The following BBS9 variants were observed in gnomAD, a reference collection of about 807,000 sequenced individuals.
BBS9 encodes Bardet-Biedl syndrome 9.
In BBS9, 89 loss-of-function variants were observed where a neutral mutation model predicts 117.7. The observed-to-expected ratio is 0.76, with a 90% CI of 0.64 to 0.90. The LOEUF (loss-of-function observed/expected upper bound fraction) is 0.90. Ranked by LOEUF, BBS9 falls within the 40% of genes least tolerant of loss-of-function variation. BBS9 has a pLI of 0.00. For synonymous variants in BBS9, 379 were observed against 370.9 expected (o/e 1.02, Z -0.25); for missense variants, 982 against 1,042.2 (o/e 0.94, Z 0.80).
chr7:33,528,652 A>G (rs542050236), intron 20 of BBS9, among the ~76,000 whole-genome samples: 3 of 152,332 alleles, frequency 2.0e-5, no homozygotes, highest in African/African-American at 4.8e-5. Flanking sequence ...TACCACTTAT[A>G]TAAGTTTGGC....
At chr7:33,185,247 T>C (rs928290745) in intron 5 of BBS9, among the ~76,000 whole-genome samples, 2 of 152,126 alleles carry the variant, frequency 1.3e-5, no homozygotes, top group Non-Finnish European at 2.9e-5. Context: ...ATCCTGTGAC[T>C]TGGAATGTCT....
intron 5 of BBS9, among the ~76,000 whole-genome samples, chr7:33,213,691 A>C (rs1479591069): frequency 1.3e-5 from 2 of 152,244 alleles, no homozygotes; most frequent in South Asian, 4.2e-4. Flanking sequence ...TTTTATCAGC[A>C]TGTAATGAAT....
chr7:33,600,796 T>C (rs1156752423), intron 21 of BBS9, among the ~76,000 whole-genome samples: 3 of 152,162 alleles, frequency 2.0e-5, no homozygotes, highest in Non-Finnish European at 4.4e-5. Context: ...CTGTGTCCCA[T>C]GCCTCCATCT....
intron 10 of BBS9, among the ~76,000 whole-genome samples, chr7:33,339,999 T>C (rs949014040): frequency 6.6e-6 from 1 of 151,198 alleles, no homozygotes; most frequent in Non-Finnish European, 1.5e-5. Flanking sequence ...TGAATATATA[T>C]AATTTAAAAA....
At chr7:33,390,340 T>A (rs1238816908) in intron 19 of BBS9, 1 of 985,250 alleles carries the variant, frequency 1.0e-6, no homozygotes, top group African/African-American at 1.7e-5. Flanking sequence ...ACATTTAAAG[T>A]GCAGAGGTTT....
chr7:33,318,441 G>T (rs1286983270), intron 9 of BBS9, among the ~76,000 whole-genome samples: 2 of 152,068 alleles, frequency 1.3e-5, no homozygotes, highest in Admixed American at 6.6e-5. Context: ...TTTTCAGACA[G>T]TGAGGTCTCT....
intron 6 of BBS9, among the ~76,000 whole-genome samples, chr7:33,263,036 T>C (rs12673354): frequency 0.16 from 25,023 of 152,160 alleles, 2,408 homozygotes; most frequent in Non-Finnish European, 0.22. Flanking sequence ...CCATTGTTAA[T>C]GTTTGTATTG....
At chr7:33,156,907 T>C (rs1220710668) in intron 4 of BBS9, among the ~76,000 whole-genome samples, 2 of 152,058 alleles carry the variant, frequency 1.3e-5, no homozygotes, top group Non-Finnish European at 2.9e-5. Flanking sequence ...CCAGAGTAAA[T>C]GGAGAAGGTA....
At chr7:33,295,032 C>T (rs1455310054) in intron 9 of BBS9, among the ~76,000 whole-genome samples, 6 of 152,068 alleles carry the variant, frequency 3.9e-5, no homozygotes, top group Admixed American at 3.9e-4. Flanking sequence ...GCTTTTTCTT[C>T]AGTTAGTACC....
At chr7:33,607,620 C>T (rs2129211711), downstream of BBS9, among the ~76,000 whole-genome samples, 1 of 152,032 alleles carries the variant, frequency 6.6e-6, no homozygotes. Flanking sequence ...CATTTTCTTG[C>T]ACACATTTCT....
chr7:33,228,690 A>G (rs994865993), intron 5 of BBS9, among the ~76,000 whole-genome samples: 9 of 152,184 alleles, frequency 5.9e-5, no homozygotes, highest in African/African-American at 2.2e-4. Flanking sequence ...GCTATAGTAA[A>G]AAAGTTATTA....
intron 21 of BBS9, among the ~76,000 whole-genome samples, chr7:33,567,348 T>C (rs1360201482): frequency 6.6e-6 from 1 of 152,204 alleles, no homozygotes; most frequent in Non-Finnish European, 1.5e-5. Context: ...GCTGTTGCTA[T>C]TTTGTTCTCC....
At chr7:33,442,455 G>A (rs970012925) in intron 19 of BBS9, among the ~76,000 whole-genome samples, 2 of 152,166 alleles carry the variant, frequency 1.3e-5, no homozygotes, top group African/African-American at 4.8e-5. Context: ...AGTATCAGTG[G>A]CATGTATTTG....
At chr7:33,242,961 A>G (rs548435154) in intron 5 of BBS9, 62 of 518,856 alleles carry the variant, frequency 1.2e-4, no homozygotes, top group Non-Finnish European at 2.3e-4. Context: ...TTAATAAATC[A>G]TTTGAACTTT....
At chr7:33,581,267 G>A (rs1256973574) in intron 21 of BBS9, among the ~76,000 whole-genome samples, 2 of 152,122 alleles carry the variant, frequency 1.3e-5, no homozygotes, top group African/African-American at 4.8e-5. Flanking sequence ...AGAATTAAAT[G>A]ATAGCAGAGT....
At chr7:33,358,546 G>A (rs1393154014) in intron 16 of BBS9, among the ~76,000 whole-genome samples, 4 of 151,844 alleles carry the variant, frequency 2.6e-5, no homozygotes, top group African/African-American at 9.7e-5. Context: ...CAATATCACA[G>A]TGAACATTTG....
At chr7:33,242,560 A>G (rs564684271) in intron 5 of BBS9, among the ~76,000 whole-genome samples, 34 of 152,118 alleles carry the variant, frequency 2.2e-4, no homozygotes, top group African/African-American at 7.7e-4. Flanking sequence ...CAGCATATTG[A>G]TGTACTTAAA....
chr7:33,358,146 G>C, intron 16 of BBS9, 151 bp downstream of exon 16: 1 of 916,300 alleles, frequency 1.1e-6, no homozygotes, highest in Non-Finnish European at 1.7e-6. Flanking sequence ...TCCTTTGCCT[G>C]TTCAAAGGTG....
intron 19 of BBS9, among the ~76,000 whole-genome samples, chr7:33,421,974 A>G (rs1013280188): frequency 3.2e-4 from 48 of 152,304 alleles, no homozygotes; most frequent in African/African-American, 1.2e-3. Flanking sequence ...ACAATACCCT[A>G]ATTGCACCAC....
Sources: gnomAD v4.1 joint callset for allele counts (sites outside exome capture counted in the v4.1 genomes callset) on GRCh38, gnomAD v4.1.1 for gene constraint, MANE v1.5 for transcripts, NCBI Gene and HGNC (gene_info 2026-07-23, HGNC 2026-07-21) for gene names.